The following RANBP1 variants were observed in gnomAD, a reference collection of about 807,000 sequenced individuals.
The protein encoded by RANBP1 is ran-specific GTPase-activating protein.
Under a neutral mutation model 31.4 loss-of-function variants are expected in RANBP1, and 16 were observed. That is an observed-to-expected ratio of 0.51 (90% CI 0.34 to 0.77). RANBP1 has a LOEUF of 0.77. RANBP1 is among the 30% of genes least tolerant of loss of function. The pLI, the probability that RANBP1 is intolerant of heterozygous loss-of-function variation, is 0.01. For missense variants in RANBP1, 265 were observed against 362.0 expected, an observed-to-expected ratio of 0.73 and a Z score of 2.17; for synonymous variants, 129 against 140.5, an observed-to-expected ratio of 0.92 and a Z score of 0.58.
Position 20,121,010 on chromosome 22 carries a change from G to A in RANBP1, c.384-1254G>A, listed in dbSNP as rs1421063141. On this transcript the variant is annotated intron_variant, in intron 2 of 5. Coordinates refer to ENST00000430524, the MANE Select transcript of RANBP1 (RefSeq NM_001278639.2). ...GCTCTGTTGCCCAGGCTGGAGTGCA[G>A]TGGCGCGATCTTGGCTCACTGCAAC... is the stretch of plus-strand genomic sequence containing the variant. Among the ~76,000 whole-genome samples the A allele has an allele frequency of 3.3e-5, 5 of 152,008 alleles. No individual in the cohort carries two copies. The East Asian group carries it at 9.7e-4, about 29-fold the overall frequency.
At position 20,125,410 on chromosome 22, in the gene RANBP1, T is replaced by C; in HGVS notation, c.644T>C (p.Leu215Pro). ...GACGAGTGCCCCAAGCCAGAGCTGCTGGCCATCCGCTTCCTGAATGCTGAG... is the reference window on the plus strand; with the variant it reads ...GACGAGTGCCCCAAGCCAGAGCTGCCGGCCATCCGCTTCCTGAATGCTGAG... ...FADECPKPEL[L>P]AIRFLNAENA... The change falls in exon 4 of 6, where the codon CTG (leucine) becomes CCG (proline). Residue 215 changes from leucine to proline, a missense_variant. Leu to Pro is a moderately conservative substitution (Grantham distance 98, BLOSUM62 -3). Around this residue, in one of 3 missense-constraint regions of RANBP1, gnomAD observed 90 missense variants for 190.5 expected, o/e 0.47. Transcript: ENST00000430524. 1.2e-6 allele frequency: 2 copies of C among 1,609,412 alleles called. No individual in the cohort carries two copies. The highest frequency in any genetic ancestry group is 1.7e-6 in the Non-Finnish European group (2 of 1,178,408).
At chr22:20,120,944 G>A (rs2050157463) in intron 2 of RANBP1, among the ~76,000 whole-genome samples, 2 of 152,210 alleles carry the variant, frequency 1.3e-5, no homozygotes, top group African/African-American at 2.4e-5. Flanking sequence ...AGATCTCTGG[G>A]GCTGGGGTGC....
At chr22:20,117,193 G>T (rs1405488984) in intron 1 of RANBP1, 1 of 541,102 alleles carries the variant, frequency 1.8e-6, no homozygotes, top group East Asian at 3.5e-5. Flanking sequence ...CTCTTAGTCC[G>T]CCAGCGCGTG....
At chr22:20,116,940 C>T (rs1272768085) in intron 1 of RANBP1, 1 of 1,578,672 alleles carries the variant, frequency 6.3e-7, no homozygotes, top group East Asian at 2.3e-5. Flanking sequence ...ACCAGGGACG[C>T]CATGGGGGCC....
chr22:20,116,530 G>A (rs925300492), intron 1 of RANBP1, 100 bp downstream of exon 1: 2 of 1,603,216 alleles, frequency 1.2e-6, no homozygotes, highest in South Asian at 1.1e-5. Context: ...CAGGGCTGCC[G>A]GGGCTGCAGG....
At chr22:20,117,780 C>T in intron 1 of RANBP1, 2 of 1,053,136 alleles carry the variant, frequency 1.9e-6, no homozygotes, top group Non-Finnish European at 2.3e-6. Context: ...CAGGCTCGGC[C>T]GTCTGCTGGG....
intron 1 of RANBP1, 135 bp downstream of exon 1, chr22:20,116,565 C>T: frequency 6.3e-7 from 1 of 1,579,680 alleles, no homozygotes; most frequent in East Asian, 2.2e-5. Flanking sequence ...TAGGGCAGCT[C>T]AGGGCACTGC....
intron 1 of RANBP1, chr22:20,117,005 A>G: frequency 2.0e-6 from 3 of 1,469,326 alleles, no homozygotes; most frequent in Non-Finnish European, 2.8e-6. Flanking sequence ...TCACAAGGGA[A>G]GTGCTCAGAG....
chr22:20,117,030 G>A, intron 1 of RANBP1: 1 of 1,324,444 alleles, frequency 7.6e-7, no homozygotes, highest in Non-Finnish European at 1.0e-6. Context: ...GGTGCTCACA[G>A]AGCCGGTGCA....
rs749673972 is a variant in RANBP1 at position 20,122,244 on chromosome 22, C to T, written c.384-20C>T. 5 of 1,611,290 alleles carry T rather than the reference C, an allele frequency of 3.1e-6. No homozygotes were observed. The highest frequency in any genetic ancestry group is 1.7e-5 in the Admixed American group (1 of 59,942). On this transcript the variant is annotated intron_variant, in intron 2 of 5. Coordinates refer to ENST00000430524, the MANE Select transcript of RANBP1 (RefSeq NM_001278639.2). ...GTGGGCTGCAGGTCTGCACTCTTAA[C>T]CTCACGGCTTTTCTTGCAGGCGGGC...
chr22:20,116,159 C>T lies in RANBP1; in HGVS notation c.-26C>T, dbSNP rs995619451. The T allele has an allele frequency of 2.5e-6, 4 of 1,613,144 alleles. No homozygotes were observed. In the Admixed American group the frequency reaches 5.0e-5, roughly 20 times the overall value. ...ACTCGTGTTACTGGTGGCTCACTCT[C>T]ACCCTCCTGTCGCCTCCTCCTGGCC... is the stretch of plus-strand genomic sequence containing the variant. On this transcript the variant is annotated 5_prime_UTR_variant, in exon 1 of 6. Transcript: ENST00000430524.
chr22:20,119,527 C>CTGT (rs763330923), intron 2 of RANBP1: 1 of 221,814 alleles, frequency 4.5e-6, no homozygotes, highest in Non-Finnish European at 9.1e-6. Flanking sequence ...CACCCGGTGT[C>CTGT]TGTTGTTGTT....
intron 1 of RANBP1, chr22:20,117,386 G>T: frequency 1.7e-6 from 2 of 1,211,908 alleles, no homozygotes. Context: ...TGCGCCGCGG[G>T]CGTTTTGGCG....
chr22:20,122,281 G>A lies in RANBP1; in HGVS notation c.401G>A (p.Arg134Gln). The A allele has an allele frequency of 6.2e-7, 1 of 1,612,886 alleles. No homozygotes were observed. Among genetic ancestry groups the A allele is most frequent in the East Asian group, 2.2e-5 (1 of 44,856 alleles). The change falls in exon 3 of 6, where the codon CGA (arginine) becomes CAA (glutamine). Residue 134 changes from arginine (R) to glutamine (Q), a missense_variant. Physicochemically the swap from Arg to Gln is conservative, Grantham distance 43 (BLOSUM62 1). This residue lies in a region of RANBP1 where 90 missense variants were observed against 190.5 expected (regional missense o/e 0.47). Coordinates refer to ENST00000430524, the MANE Select transcript of RANBP1 (RefSeq NM_001278639.2). ...ELFKMRAKLF[R>Q]FASENDLPEW... Reference sequence around the variant, plus strand: ...TCTTGCAGGCGGGCAAAACTGTTCCGATTTGCCTCTGAGAACGATCTCCCA... The same window carrying A: ...TCTTGCAGGCGGGCAAAACTGTTCCAATTTGCCTCTGAGAACGATCTCCCA...
chr22:20,126,252 T>TCC, intron 4 of RANBP1, 51 bp from the exon 5 acceptor site: 2 of 1,580,102 alleles, frequency 1.3e-6, no homozygotes, highest in Non-Finnish European at 1.7e-6. Flanking sequence ...GCAGGGCATG[T>TCC]CTCTTCCACT....
At chr22:20,126,814 C>A in intron 5 of RANBP1, 138 bp from the exon 6 acceptor site, 1 of 1,357,424 alleles carries the variant, frequency 7.4e-7, no homozygotes, top group Non-Finnish European at 1.0e-6. Flanking sequence ...CAGGAGGCGG[C>A]TTGGCCAGGC....
rs751179344 is a variant in RANBP1, at chr22:20,122,288, C to A, written c.408C>A (p.Ala136=). The change falls in exon 3 of 6, where the codon GCC becomes GCA. Residue 136 remains alanine, a synonymous_variant. Coordinates refer to ENST00000430524, the MANE Select transcript of RANBP1 (RefSeq NM_001278639.2). The part of the protein sequence containing the change: ...FKMRAKLFRF[A]SENDLPEWKE... Reference sequence around the variant, plus strand: ...GGCGGGCAAAACTGTTCCGATTTGCCTCTGAGAACGATCTCCCAGAATGGA... The same window carrying A: ...GGCGGGCAAAACTGTTCCGATTTGCATCTGAGAACGATCTCCCAGAATGGA... The A allele has an allele frequency of 1.2e-6, 2 of 1,613,054 alleles. No individual in the cohort carries two copies. The highest frequency in any genetic ancestry group is 1.1e-5 in the South Asian group (1 of 91,070).
At chr22:20,116,650 G>A (rs750749273) in intron 1 of RANBP1, 1 of 1,513,842 alleles carries the variant, frequency 6.6e-7, no homozygotes, top group Non-Finnish European at 8.8e-7. Context: ...GTGAGGACTA[G>A]GCCCTGGGGG....
At chr22:20,122,193 T>C (rs1568981711) in intron 2 of RANBP1, 71 bp from the exon 3 acceptor site, 4 of 1,546,776 alleles carry the variant, frequency 2.6e-6, no homozygotes, top group South Asian at 1.2e-5. Context: ...AGAGTTGTCC[T>C]GTGTCCTCCT....
Sources: allele counts gnomAD v4.1 joint callset (sites outside exome capture counted in the v4.1 genomes callset), GRCh38; gene constraint gnomAD v4.1.1; regional missense constraint gnomAD v4.1.1; transcripts MANE v1.5; gene names NCBI Gene and HGNC (gene_info 2026-07-23, HGNC 2026-07-21).